NIBAN1: variants seen among roughly 807,000 people sequenced by gnomAD.
NIBAN1 encodes the protein protein Niban 1.
Under a neutral mutation model 75.1 loss-of-function variants are expected in NIBAN1, and 81 were observed. That is an observed-to-expected ratio of 1.08 (90% CI 0.90 to 1.30). The LOEUF is 1.30. NIBAN1 is among the 50% of genes most tolerant of loss of function. The probability of loss-of-function intolerance (pLI) is 0.00; values close to 1 mark genes in which losing one functional copy is unlikely to be tolerated. For missense variants in NIBAN1, 1,133 were observed against 1,128.1 expected (o/e 1.00, Z -0.06); for synonymous variants, 436 against 424.8 (o/e 1.03, Z -0.32).
At chr1:184,863,496 AT>A (rs1655870739) in intron 5 of NIBAN1, among the ~76,000 whole-genome samples, 1 of 152,084 alleles carries the variant, frequency 6.6e-6, no homozygotes, top group Admixed American at 6.6e-5. Context: ...TTCAATTTCT[AT>A]TTTCAATTAA....
intron 5 of NIBAN1, among the ~76,000 whole-genome samples, chr1:184,833,142 T>C (rs1031784613): frequency 6.6e-5 from 10 of 151,672 alleles, no homozygotes; most frequent in African/African-American, 1.7e-4. Flanking sequence ...GGAGGAACCA[T>C]CACAGCTTTA....
At chr1:184,922,846 A>T (rs918892210) in intron 1 of NIBAN1, among the ~76,000 whole-genome samples, 2 of 152,166 alleles carry the variant, frequency 1.3e-5, no homozygotes, top group Non-Finnish European at 2.9e-5. Context: ...ACCTCAGGTG[A>T]TCCACCTGTT....
chr1:184,971,591 A>T (rs1658937930), intron 1 of NIBAN1, among the ~76,000 whole-genome samples: 1 of 152,010 alleles, frequency 6.6e-6, no homozygotes, highest in South Asian at 2.1e-4. Flanking sequence ...AATCACTTGG[A>T]CCAGGGAGTC....
chr1:184,905,179 C>A (rs1657060121), intron 1 of NIBAN1, among the ~76,000 whole-genome samples: 2 of 152,006 alleles, frequency 1.3e-5, no homozygotes, highest in Admixed American at 6.6e-5. Flanking sequence ...TGGGGCAGAA[C>A]AGGAGAGGCT....
At position 184,894,160 on chromosome 1, in the gene NIBAN1, T is replaced by C; in HGVS notation, c.233A>G (p.Gln78Arg). Residue 78 changes from glutamine to arginine, a missense_variant, in exon 3 of 14, where the codon CAA becomes CGA. By Grantham distance (43) the Gln-to-Arg change is conservative. Coordinates refer to ENST00000367511, the MANE Select transcript of NIBAN1 (RefSeq NM_052966.4). ...CCACTTCTTTATGTCTTCAGAAAAT[T>C]GTGATAGCTCTGCTTCATACAAAAT... ...GTILYEAELSQFSEDIKKWKE... is the reference protein window; with the variant it reads ...GTILYEAELSRFSEDIKKWKE... 2 of 1,613,028 alleles carry C rather than the reference T, an allele frequency of 1.2e-6. No individual in the cohort carries two copies. Among genetic ancestry groups the C allele is most frequent in the Non-Finnish European group, 1.7e-6 (2 of 1,179,520 alleles).
chr1:184,826,692 T>G (rs558210017), intron 6 of NIBAN1, among the ~76,000 whole-genome samples: 1 of 152,324 alleles, frequency 6.6e-6, no homozygotes, highest in Admixed American at 6.5e-5. Context: ...ATGAAAATGC[T>G]ATATATAAAG....
chr1:184,961,664 A>G (rs1658653738), intron 1 of NIBAN1, among the ~76,000 whole-genome samples: 1 of 152,220 alleles, frequency 6.6e-6, no homozygotes, highest in African/African-American at 2.4e-5. Flanking sequence ...CTCTAACCCC[A>G]GTTCAGGGGT....
chr1:184,903,397 C>T (rs1196789101), intron 1 of NIBAN1, among the ~76,000 whole-genome samples: 2 of 152,138 alleles, frequency 1.3e-5, no homozygotes, highest in Non-Finnish European at 2.9e-5. Flanking sequence ...ATCTTTTGTC[C>T]CCTGCAAATC....
chr1:184,805,699 A>G (rs1325316892), intron 11 of NIBAN1, among the ~76,000 whole-genome samples: 1 of 152,166 alleles, frequency 6.6e-6, no homozygotes, highest in Non-Finnish European at 1.5e-5. Flanking sequence ...ATCTCTATGA[A>G]GGCTGGGACG....
Position 184,974,422 on chromosome 1 carries a change from G to T in NIBAN1, c.-66C>A, listed in dbSNP as rs999717360. 4.6e-6 allele frequency: 7 copies of T among 1,509,722 alleles called. No individual in the cohort carries two copies. The highest frequency in any genetic ancestry group is 4.2e-5 in the Admixed American group (2 of 47,250). 93.5% of individuals were successfully genotyped at this position (1,509,722 alleles called of 1,614,324 possible). On this transcript the variant is annotated 5_prime_UTR_variant, in exon 1 of 14. Coordinates refer to ENST00000367511, the MANE Select transcript of NIBAN1 (RefSeq NM_052966.4). ...CCGCGCCCGCTGCTAGCTCCTGGAGGTTGATCCGACGGCGAACCCGGCTCT... is the reference window on the plus strand; with the variant it reads ...CCGCGCCCGCTGCTAGCTCCTGGAGTTTGATCCGACGGCGAACCCGGCTCT...
In NIBAN1 at chr1:184,810,159, TA is replaced by T. The variant is rs1210106596; in HGVS notation, c.1174-1925del. Among the ~76,000 whole-genome samples the T allele has an allele frequency of 3.3e-5, 5 of 152,328 alleles. No individual in the cohort carries two copies. The East Asian group carries it at 5.8e-4, about 18-fold the overall frequency. ...TATATGTGTATATATGCATAAAGAATAAAGGAAAAGAAATAGAGACATCTGG... is the reference window on the plus strand; with the variant it reads ...TATATGTGTATATATGCATAAAGAATAAGGAAAAGAAATAGAGACATCTGG... On this transcript the variant is annotated intron_variant, in intron 9 of 13. Transcript: ENST00000367511.
chr1:184,902,961 T>C lies in NIBAN1; in HGVS notation c.56-3652A>G, dbSNP rs1016264355. ...TAGTTGATCAATCAATTTTGACTAT[T>C]TAATATTCCACAATGAAAACATTCA... On this transcript the variant is annotated intron_variant, in intron 1 of 13. Coordinates refer to ENST00000367511, the MANE Select transcript of NIBAN1 (RefSeq NM_052966.4). Among the ~76,000 whole-genome samples, 38 of 152,220 alleles carry C rather than the reference T, an allele frequency of 2.5e-4. 1 individual carries two copies.
chr1:184,871,313 C>T (rs1656100403), intron 5 of NIBAN1, among the ~76,000 whole-genome samples: 3 of 142,102 alleles, frequency 2.1e-5, no homozygotes, highest in African/African-American at 7.8e-5. Flanking sequence ...TGTCATTACA[C>T]TCCAGCCTGG....
intron 1 of NIBAN1, among the ~76,000 whole-genome samples, chr1:184,932,166 T>C (rs1320557150): frequency 1.3e-5 from 2 of 152,186 alleles, no homozygotes; most frequent in East Asian, 1.9e-4. Flanking sequence ...AGAAGACAAT[T>C]TTTCCATGGA....
chr1:184,816,203 A>G (rs1345037282), intron 9 of NIBAN1, among the ~76,000 whole-genome samples: 1 of 151,974 alleles, frequency 6.6e-6, no homozygotes, highest in Non-Finnish European at 1.5e-5. Context: ...GCATACTCCA[A>G]ACTCTTGATA....
At chr1:184,799,735 CTTTTTTTTT>C (rs780273995) in intron 12 of NIBAN1, among the ~76,000 whole-genome samples, 8 of 49,782 alleles carry the variant, frequency 1.6e-4, no homozygotes, top group African/African-American at 3.1e-4. Flanking sequence ...GATTGCCATT[CTTTTTTTTT>C]TTTTTTTTTT....
At chr1:184,919,247 G>A (rs1295369443) in intron 1 of NIBAN1, among the ~76,000 whole-genome samples, 3 of 152,198 alleles carry the variant, frequency 2.0e-5, no homozygotes, top group African/African-American at 7.2e-5. Flanking sequence ...AAACTGGCCT[G>A]TCCTGACCTA....
At chr1:184,815,049 C>T (rs1654488963) in intron 9 of NIBAN1, among the ~76,000 whole-genome samples, 6 of 152,184 alleles carry the variant, frequency 3.9e-5, no homozygotes, top group Admixed American at 3.9e-4. Flanking sequence ...AACCAATATT[C>T]ACTTCCATAT....
At chr1:184,867,868 A>G in intron 5 of NIBAN1, 1 of 985,394 alleles carries the variant, frequency 1.0e-6, no homozygotes, top group South Asian at 4.7e-5. Flanking sequence ...CCTTACCTTA[A>G]TAGAGGCTCT....
Sources: gnomAD v4.1 joint callset for allele counts (sites outside exome capture counted in the v4.1 genomes callset) on GRCh38, gnomAD v4.1.1 for gene constraint, MANE v1.5 for transcripts, NCBI Gene and HGNC (gene_info 2026-07-23, HGNC 2026-07-21) for gene names.